SLC9A9: variants seen among roughly 807,000 people sequenced by gnomAD.
SLC9A9 encodes the protein sodium/hydrogen exchanger 9.
SLC9A9 carries 62 observed loss-of-function variants against 77.8 expected under a neutral mutation model. The ratio of observed to expected loss-of-function variants is 0.80; its 90% CI spans 0.65 to 0.98. SLC9A9 has a LOEUF of 0.98. Ranked by LOEUF, SLC9A9 falls within the 50% of genes least tolerant of loss-of-function variation. The pLI, the probability that SLC9A9 is intolerant of heterozygous loss-of-function variation, is 0.00. For synonymous variants in SLC9A9, 320 were observed against 283.5 expected (o/e 1.13, Z -1.29); for missense variants, 775 against 774.9 (o/e 1.00, Z 0.00).
In SLC9A9 at chr3:143,798,900, C is replaced by T. The variant is rs567911455; in HGVS notation, c.379-1997G>A. Among the ~76,000 whole-genome samples, 20 of 152,222 alleles carry T rather than the reference C, an allele frequency of 1.3e-4. No homozygotes were observed. The South Asian group carries it at 4.2e-3, about 32-fold the overall frequency. On this transcript the variant is annotated intron_variant, in intron 2 of 15. Transcript: ENST00000316549. ...TTCCAATTTTCCTTTTCTACAGACCCAACTGACCTCTCCCCTCCTCCCCAG... is the reference window on the plus strand; with the variant it reads ...TTCCAATTTTCCTTTTCTACAGACCTAACTGACCTCTCCCCTCCTCCCCAG...
At chr3:143,754,672 A>G (rs2006864852) in intron 4 of SLC9A9, among the ~76,000 whole-genome samples, 2 of 152,192 alleles carry the variant, frequency 1.3e-5, no homozygotes, top group Non-Finnish European at 2.9e-5. Context: ...AGAGGAAAGG[A>G]CAAGGGGAAA....
chr3:143,410,066 G>A (rs776107878), intron 12 of SLC9A9, among the ~76,000 whole-genome samples: 7 of 152,146 alleles, frequency 4.6e-5, no homozygotes, highest in South Asian at 2.1e-4. Flanking sequence ...GAAGAAATGC[G>A]GACTTTGTCT....
intron 4 of SLC9A9, among the ~76,000 whole-genome samples, chr3:143,711,347 A>G (rs960394815): frequency 6.6e-6 from 1 of 152,114 alleles, no homozygotes; most frequent in East Asian, 1.9e-4. Context: ...CACCAATCAA[A>G]TATAGGAGAA....
At chr3:143,585,826 G>T (rs1239559059) in intron 6 of SLC9A9, among the ~76,000 whole-genome samples, 5 of 152,214 alleles carry the variant, frequency 3.3e-5, no homozygotes, top group Non-Finnish European at 7.3e-5. Context: ...TAGGCCAGAA[G>T]AGGTGCTGGT....
At chr3:143,295,701 C>T (rs535165849) in intron 14 of SLC9A9, among the ~76,000 whole-genome samples, 14 of 152,342 alleles carry the variant, frequency 9.2e-5, no homozygotes, top group African/African-American at 3.1e-4. Flanking sequence ...TCATCACCTA[C>T]ACCCTCTTGT....
intron 14 of SLC9A9, among the ~76,000 whole-genome samples, chr3:143,305,932 T>C (rs1015757208): frequency 2.6e-5 from 4 of 152,212 alleles, no homozygotes; most frequent in African/African-American, 7.2e-5. Flanking sequence ...TTTGTATTTA[T>C]TTGCCAATGG....
intron 14 of SLC9A9, among the ~76,000 whole-genome samples, chr3:143,316,965 C>T (rs901984458): frequency 2.6e-5 from 4 of 152,054 alleles, no homozygotes; most frequent in African/African-American, 4.8e-5. Flanking sequence ...AGGAGTCAAT[C>T]TCAATTCTGA....
chr3:143,795,406 A>T (rs2008358112), intron 3 of SLC9A9, among the ~76,000 whole-genome samples: 1 of 152,146 alleles, frequency 6.6e-6, no homozygotes, highest in Non-Finnish European at 1.5e-5. Flanking sequence ...GAATCGGGGC[A>T]ATAATGGAAG....
intron 14 of SLC9A9, among the ~76,000 whole-genome samples, chr3:143,361,476 C>T (rs1376828453): frequency 1.3e-5 from 2 of 152,102 alleles, no homozygotes; most frequent in East Asian, 1.9e-4. Context: ...AACATAAATG[C>T]CAAATGGATA....
intron 9 of SLC9A9, among the ~76,000 whole-genome samples, chr3:143,499,152 G>A (rs1340994156): frequency 2.0e-5 from 3 of 152,120 alleles, no homozygotes; most frequent in Non-Finnish European, 2.9e-5. Context: ...TTTGCCTCTT[G>A]ATATTGCCAC....
intron 8 of SLC9A9, among the ~76,000 whole-genome samples, chr3:143,570,466 C>A (rs2037238906): frequency 6.6e-6 from 1 of 151,978 alleles, no homozygotes; most frequent in African/African-American, 2.4e-5. Context: ...AAATTTTAGT[C>A]TTTTTATTAA....
intron 9 of SLC9A9, among the ~76,000 whole-genome samples, chr3:143,536,333 T>G (rs551771541): frequency 6.6e-6 from 1 of 152,296 alleles, no homozygotes; most frequent in Admixed American, 6.5e-5. Context: ...TCTCTCTCCA[T>G]CCCAGCTTCC....
At chr3:143,322,223 G>A (rs2031445400) in intron 14 of SLC9A9, among the ~76,000 whole-genome samples, 1 of 152,198 alleles carries the variant, frequency 6.6e-6, no homozygotes, top group Admixed American at 6.5e-5. Context: ...GTTTCTGGAT[G>A]AGATTAACAT....
At chr3:143,617,448 G>A (rs2038125467) in intron 6 of SLC9A9, among the ~76,000 whole-genome samples, 1 of 152,168 alleles carries the variant, frequency 6.6e-6, no homozygotes, top group South Asian at 2.1e-4. Flanking sequence ...TGGAGGCAGG[G>A]GGCAGATTGC....
At chr3:143,536,270 A>G (rs2036587277) in intron 9 of SLC9A9, among the ~76,000 whole-genome samples, 1 of 152,222 alleles carries the variant, frequency 6.6e-6, no homozygotes, top group African/African-American at 2.4e-5. Context: ...AATCAGTTCC[A>G]GTCCCATTTT....
chr3:143,685,230 T>C (rs534275340), intron 5 of SLC9A9, among the ~76,000 whole-genome samples: 1 of 152,248 alleles, frequency 6.6e-6, no homozygotes, highest in East Asian at 1.9e-4. Context: ...CTGTATAAAA[T>C]TATTAATGAG....
intron 14 of SLC9A9, among the ~76,000 whole-genome samples, chr3:143,337,453 C>T (rs1401846549): frequency 6.6e-6 from 1 of 152,216 alleles, no homozygotes; most frequent in Non-Finnish European, 1.5e-5. Flanking sequence ...CTTGCTTGTT[C>T]CTTGACTGGA....
chr3:143,392,100 A>T (rs941117479), intron 12 of SLC9A9, among the ~76,000 whole-genome samples: 3 of 152,202 alleles, frequency 2.0e-5, no homozygotes, highest in African/African-American at 7.2e-5. Flanking sequence ...AACACAGAGA[A>T]CGCCACAAAC....
intron 12 of SLC9A9, among the ~76,000 whole-genome samples, chr3:143,448,052 C>T (rs113844777): frequency 1.3e-5 from 2 of 152,178 alleles, no homozygotes; most frequent in African/African-American, 4.8e-5. Context: ...TATTGCATCC[C>T]GTGGGACTAA....
Sources: allele counts gnomAD v4.1 joint callset (sites outside exome capture counted in the v4.1 genomes callset), GRCh38; gene constraint gnomAD v4.1.1; transcripts MANE v1.5; gene names NCBI Gene and HGNC (gene_info 2026-07-23, HGNC 2026-07-21).